RREB1: variants seen among roughly 807,000 people sequenced by gnomAD.
RREB1 encodes ras-responsive element-binding protein 1.
Under a neutral mutation model 117.8 loss-of-function variants are expected in RREB1, and 27 were observed. That is an observed-to-expected ratio of 0.23 (90% CI 0.17 to 0.32). The LOEUF (loss-of-function observed/expected upper bound fraction) is 0.32, where lower values mean the gene tolerates loss of function less well. Among genes scored for constraint, RREB1 ranks in the 10% least tolerant of loss-of-function variants. RREB1 has a pLI of 1.00. For synonymous variants in RREB1, 1,298 were observed against 1,026.7 expected, an observed-to-expected ratio of 1.26 and a Z score of -5.05; for missense variants, 2,577 against 2,378.2, an observed-to-expected ratio of 1.08 and a Z score of -1.74.
chr6:7,204,983 T>C (rs533191797), intron 6 of RREB1, among the ~76,000 whole-genome samples: 1 of 152,336 alleles, frequency 6.6e-6, no homozygotes, highest in African/African-American at 2.4e-5. Flanking sequence ...AACTTTTTGG[T>C]TAAGCATTTA....
rs1765097434 is a variant in RREB1, at chr6:7,186,664, G to A, written c.172-770G>A. Among the ~76,000 whole-genome samples, 5 of 152,324 alleles carry A rather than the reference G, an allele frequency of 3.3e-5. No homozygotes were observed. In the South Asian group the frequency reaches 1.0e-3, roughly 32 times the overall value. ...AAAGAGGATCTGTAGCATAGGGTTA[G>A]TGAACGACATTGGCTTTTTCTGAAA... is the stretch of plus-strand genomic sequence containing the variant. On this transcript the variant is annotated intron_variant, in intron 4 of 12. Transcript: ENST00000379938.
rs920552017 is a variant in RREB1 at position 7,229,851 on chromosome 6, G to A, written c.1752G>A (p.Ala584=). The A allele has an allele frequency of 1.4e-5, 23 of 1,610,080 alleles. No homozygotes were observed. Among genetic ancestry groups the A allele is most frequent in the Non-Finnish European group, 2.0e-5 (23 of 1,178,482 alleles). Residue 584 remains alanine (A), a synonymous_variant, in exon 10 of 13, where the codon GCG becomes GCA. Transcript: ENST00000379938. The surrounding 1 kb of genome is among the most constrained non-coding windows in gnomAD (Gnocchi z 4.5). ...ATRLSLQQPR[A]ELPGQPEMKT... ...GGCTCTCCCTGCAGCAGCCGCGGGC[G>A]GAGCTGCCGGGCCAGCCTGAGATGA...
intron 1 of RREB1, among the ~76,000 whole-genome samples, chr6:7,124,032 A>G (rs1294940458): frequency 1.3e-5 from 2 of 152,202 alleles, no homozygotes; most frequent in African/African-American, 4.8e-5. Flanking sequence ...TTCCTTAGGA[A>G]AGTGGACACT....
intron 1 of RREB1, among the ~76,000 whole-genome samples, chr6:7,115,094 T>C (rs1761331783): frequency 6.6e-6 from 1 of 152,206 alleles, no homozygotes. Context: ...TTTGCAAAAT[T>C]CTTACATAAC....
chr6:7,144,958 T>G (rs557074), intron 1 of RREB1, among the ~76,000 whole-genome samples: 39,770 of 152,104 alleles, frequency 0.26, 6,606 homozygotes, highest in African/African-American at 0.47. Context: ...CTGCATTTTT[T>G]ATAAAATTGC....
chr6:7,125,349 A>G (rs1412141069), intron 1 of RREB1, among the ~76,000 whole-genome samples: 1 of 152,262 alleles, frequency 6.6e-6, no homozygotes, highest in East Asian at 1.9e-4. Context: ...GTTAGAGTGT[A>G]GAACAGAGAT....
At chr6:7,178,021 C>T (rs941063497) in intron 2 of RREB1, among the ~76,000 whole-genome samples, 2 of 152,142 alleles carry the variant, frequency 1.3e-5, no homozygotes, top group Non-Finnish European at 2.9e-5. Flanking sequence ...CTGTGCCCGG[C>T]CCCGGCTGAT....
chr6:7,212,360 C>CA (rs1031927858), intron 8 of RREB1: 1 of 152,226 alleles, frequency 6.6e-6, no homozygotes, highest in African/African-American at 2.4e-5. Context: ...AGGCAGAAAA[C>CA]ACGGGTAGTG....
chr6:7,189,051 C>G, intron 5 of RREB1, 108 bp from the exon 6 acceptor site: 1 of 1,085,066 alleles, frequency 9.2e-7, no homozygotes, highest in East Asian at 2.7e-5. Flanking sequence ...AACACATAGC[C>G]AAGAAAGTTG....
chr6:7,244,022 G>T (rs751421173), intron 11 of RREB1, among the ~76,000 whole-genome samples: 6 of 152,134 alleles, frequency 3.9e-5, no homozygotes, highest in Non-Finnish European at 5.9e-5. Context: ...AGCCCTTTTA[G>T]AGGCCGAGGA....
At chr6:7,239,016 G>C in intron 10 of RREB1, among the ~76,000 whole-genome samples, 1 of 152,220 alleles carries the variant, frequency 6.6e-6, no homozygotes, top group South Asian at 2.1e-4. Context: ...GCCGGTTAAG[G>C]CTAGTCCCTC....
chr6:7,224,955 G>A (rs1767493830), intron 8 of RREB1, among the ~76,000 whole-genome samples: 1 of 152,124 alleles, frequency 6.6e-6, no homozygotes, highest in Non-Finnish European at 1.5e-5. Flanking sequence ...AGCCAGGGGA[G>A]GAGCATGCAC....
At chr6:7,190,945 T>C (rs931846823) in intron 6 of RREB1, among the ~76,000 whole-genome samples, 1 of 152,250 alleles carries the variant, frequency 6.6e-6, no homozygotes, top group African/African-American at 2.4e-5. Flanking sequence ...AGTGGGCACA[T>C]TGGTAAAGAG....
rs1428755016 is a variant in RREB1 at position 7,187,361 on chromosome 6, C to T, written c.172-73C>T. 1.5e-5 allele frequency: 14 copies of T among 926,056 alleles called. No homozygotes were observed. The South Asian group carries it at 1.8e-4, about 12-fold the overall frequency. The allele number at this position is 926,056 out of a possible 1,614,324, so 57.4% of individuals were successfully genotyped here. ...TACATAGACACAAGTGCTTATTACA[C>T]TTATTACAGAAAGAAAAGGCACTTG... On this transcript the variant is annotated intron_variant, in intron 4 of 12. Transcript: ENST00000379938.
chr6:7,156,465 C>T (rs532690118), intron 1 of RREB1, among the ~76,000 whole-genome samples: 17 of 152,300 alleles, frequency 1.1e-4, no homozygotes, highest in African/African-American at 3.8e-4. Flanking sequence ...TGCTTTTTGC[C>T]TCTTAAGAGG....
intron 1 of RREB1, among the ~76,000 whole-genome samples, chr6:7,149,756 C>T (rs546036827): frequency 1.3e-5 from 2 of 152,308 alleles, no homozygotes; most frequent in Non-Finnish European, 2.9e-5. Flanking sequence ...GGCGCAATCT[C>T]GGCTCACTGC....
Position 7,230,976 on chromosome 6 carries a change from TGAG to T in RREB1, c.2885_2887del (p.Glu962del), listed in dbSNP as rs771418736. The T allele has an allele frequency of 6.2e-7, 1 of 1,614,100 alleles. No homozygotes were observed. The highest frequency in any genetic ancestry group is 1.7e-5 in the Admixed American group (1 of 60,018). The stretch of plus-strand genomic sequence containing the variant: ...CCACTCCCAGCGAAGCCAAGAAGCC[TGAG>T]GAGGAGGCGGGGAGCAGCGAGCAGC... On this transcript the variant is annotated inframe_deletion, in exon 10 of 13. Transcript: ENST00000379938.
chr6:7,134,906 C>T (rs1401822440), intron 1 of RREB1, among the ~76,000 whole-genome samples: 1 of 152,192 alleles, frequency 6.6e-6, no homozygotes, highest in Admixed American at 6.5e-5. Context: ...TATTTTCTTC[C>T]ACCTGTTCAT....
chr6:7,162,111 C>T (rs147582648), intron 1 of RREB1, among the ~76,000 whole-genome samples: 1 of 152,246 alleles, frequency 6.6e-6, no homozygotes, highest in East Asian at 1.9e-4. Context: ...CACTGGTGCA[C>T]TCTGATAGCT....
Sources: allele counts gnomAD v4.1 joint callset (sites outside exome capture counted in the v4.1 genomes callset), GRCh38; gene constraint gnomAD v4.1.1; non-coding constraint Gnocchi (gnomAD v3.1); transcripts MANE v1.5; gene names NCBI Gene and HGNC (gene_info 2026-07-23, HGNC 2026-07-21).